WDR70: variants seen among roughly 807,000 people sequenced by gnomAD.
WDR70 encodes the protein WD repeat-containing protein 70.
In WDR70, 53 loss-of-function variants were observed where a neutral mutation model predicts 88.6. The ratio of observed to expected loss-of-function variants is 0.60; its 90% CI spans 0.48 to 0.75. The LOEUF is 0.75. Among genes scored for constraint, WDR70 ranks in the 30% least tolerant of loss-of-function variants. The pLI, the probability that WDR70 is intolerant of heterozygous loss-of-function variation, is 0.00. For missense variants in WDR70, 610 were observed against 823.2 expected (o/e 0.74, Z 3.17); for synonymous variants, 280 against 270.0 (o/e 1.04, Z -0.36).
At chr5:37,699,837 A>G (rs577908345) in intron 11 of WDR70, among the ~76,000 whole-genome samples, 26 of 151,884 alleles carry the variant, frequency 1.7e-4, no homozygotes, top group African/African-American at 6.3e-4. Context: ...AGTCCCAGCT[A>G]CTCGGGAGGC....
At chr5:37,497,594 C>T (rs1231525066) in intron 8 of WDR70, among the ~76,000 whole-genome samples, 1 of 151,692 alleles carries the variant, frequency 6.6e-6, no homozygotes, top group Non-Finnish European at 1.5e-5. Context: ...ATACTGAGAA[C>T]TTGGAGGGAG....
At chr5:37,413,205 G>A (rs2111962679) in intron 5 of WDR70, among the ~76,000 whole-genome samples, 1 of 152,158 alleles carries the variant, frequency 6.6e-6, no homozygotes, top group Middle Eastern at 3.4e-3. Flanking sequence ...GGGCACTAGG[G>A]GGCAATAGAA....
At chr5:37,519,251 C>T (rs1217157148) in intron 9 of WDR70, among the ~76,000 whole-genome samples, 1 of 152,200 alleles carries the variant, frequency 6.6e-6, no homozygotes, top group Non-Finnish European at 1.5e-5. Flanking sequence ...GGCAGAGGCG[C>T]TCCCCACTTC....
At chr5:37,668,578 G>T (rs1265932263) in intron 10 of WDR70, among the ~76,000 whole-genome samples, 1 of 152,122 alleles carries the variant, frequency 6.6e-6, no homozygotes, top group Non-Finnish European at 1.5e-5. Context: ...AGCCATAAGG[G>T]GTTTGTTTTA....
chr5:37,597,685 C>T (rs1181383422), intron 9 of WDR70, among the ~76,000 whole-genome samples: 2 of 152,138 alleles, frequency 1.3e-5, no homozygotes, highest in Non-Finnish European at 2.9e-5. Context: ...CACTTGCCTG[C>T]TCCTTTTCTC....
intron 7 of WDR70, among the ~76,000 whole-genome samples, chr5:37,448,692 C>G (rs1329409811): frequency 6.6e-6 from 1 of 152,054 alleles, no homozygotes. Context: ...AAGAAACTAA[C>G]AGTCAGTTAC....
chr5:37,711,319 T>TC (rs1169424674), intron 13 of WDR70, among the ~76,000 whole-genome samples: 1 of 152,210 alleles, frequency 6.6e-6, no homozygotes, highest in African/African-American at 2.4e-5. Flanking sequence ...TTTCCAGAGC[T>TC]CATTCCTCTT....
chr5:37,503,561 C>T (rs924098393), intron 8 of WDR70, among the ~76,000 whole-genome samples: 1 of 152,126 alleles, frequency 6.6e-6, no homozygotes, highest in Non-Finnish European at 1.5e-5. Flanking sequence ...AGGATAATGG[C>T]CTCCAGCTCC....
chr5:37,613,295 C>T (rs1480820419), intron 10 of WDR70, among the ~76,000 whole-genome samples: 6 of 152,114 alleles, frequency 3.9e-5, no homozygotes, highest in Non-Finnish European at 8.8e-5. Context: ...TGAAACCTCA[C>T]TAAAGTGACA....
chr5:37,599,809 C>G (rs1743810023), intron 9 of WDR70, among the ~76,000 whole-genome samples: 1 of 151,932 alleles, frequency 6.6e-6, no homozygotes, highest in Admixed American at 6.6e-5. Context: ...AGGAGAATTG[C>G]TTGAACCCGG....
intron 8 of WDR70, among the ~76,000 whole-genome samples, chr5:37,491,993 A>G (rs1320986448): frequency 6.6e-6 from 1 of 152,176 alleles, no homozygotes; most frequent in African/African-American, 2.4e-5. Flanking sequence ...TGGCACAACA[A>G]GATGTTCCAG....
intron 16 of WDR70, among the ~76,000 whole-genome samples, chr5:37,726,538 T>C (rs1747973923): frequency 6.6e-6 from 1 of 152,232 alleles, no homozygotes; most frequent in Non-Finnish European, 1.5e-5. Context: ...AAATAGCATC[T>C]AATGAATATT....
intron 10 of WDR70, among the ~76,000 whole-genome samples, chr5:37,645,549 C>T (rs1745209417): frequency 6.6e-6 from 1 of 152,068 alleles, no homozygotes; most frequent in Non-Finnish European, 1.5e-5. Context: ...TCTGGAAGAT[C>T]TGACCAGTGC....
At chr5:37,570,404 C>G (rs1742867771) in intron 9 of WDR70, among the ~76,000 whole-genome samples, 1 of 152,040 alleles carries the variant, frequency 6.6e-6, no homozygotes, top group Non-Finnish European at 1.5e-5. Flanking sequence ...CAGAAGATAG[C>G]TAGTTTTTTG....
At chr5:37,406,742 A>T (rs779675409) in intron 5 of WDR70, among the ~76,000 whole-genome samples, 3 of 146,076 alleles carry the variant, frequency 2.1e-5, no homozygotes, top group Non-Finnish European at 4.4e-5. Context: ...AGGATATCTA[A>T]TAAAAAACTT....
rs186865250 is a variant in WDR70, at chr5:37,449,398, C to T, written c.686+6026C>T. 7.0e-3 allele frequency among the ~76,000 whole-genome samples: 1,059 copies of T among 152,104 alleles called. 8 individuals carry two copies. The highest frequency in any genetic ancestry group is 0.011 in the Non-Finnish European group (764 of 67,990). On this transcript the variant is annotated intron_variant, in intron 7 of 17. Coordinates refer to ENST00000265107, the MANE Select transcript of WDR70 (RefSeq NM_018034.4). ...CCTGAGGTCAGGAGTTCAAGACCAG[C>T]CTGGCCAACATGGTGAAACCCCGTC...
chr5:37,476,013 GT>G (rs1017519273), intron 7 of WDR70, among the ~76,000 whole-genome samples: 1 of 149,054 alleles, frequency 6.7e-6, no homozygotes. Flanking sequence ...GCCCAGCTAT[GT>G]TTTTTTTTGC....
chr5:37,390,691 T>C (rs1027635748), intron 3 of WDR70, among the ~76,000 whole-genome samples: 4 of 150,870 alleles, frequency 2.7e-5, no homozygotes, highest in Admixed American at 6.6e-5. Flanking sequence ...AAAATTCTAG[T>C]GTAGGAAATT....
chr5:37,582,944 G>T (rs554467676), intron 9 of WDR70, among the ~76,000 whole-genome samples: 2 of 152,238 alleles, frequency 1.3e-5, no homozygotes, highest in African/African-American at 4.8e-5. Context: ...ATGGTAAAAT[G>T]CTGCTTAGGT....
Sources: allele counts gnomAD v4.1 joint callset (sites outside exome capture counted in the v4.1 genomes callset), GRCh38; gene constraint gnomAD v4.1.1; transcripts MANE v1.5; gene names NCBI Gene and HGNC (gene_info 2026-07-23, HGNC 2026-07-21).